AOAH: variants seen among roughly 807,000 people sequenced by gnomAD.
AOAH encodes acyloxyacyl hydrolase, also known as acyloxyacyl hydrolase (neutrophil).
Under a neutral mutation model 92.2 loss-of-function variants are expected in AOAH, and 64 were observed. The observed-to-expected ratio is 0.69, with a 90% confidence interval of 0.57 to 0.86. The LOEUF is 0.86. Ranked by LOEUF, AOAH falls within the 40% of genes least tolerant of loss-of-function variation. The pLI is 0.00. For synonymous variants in AOAH, 263 were observed against 254.5 expected (o/e 1.03, Z -0.32); for missense variants, 656 against 694.6 (o/e 0.94, Z 0.62).
At chr7:36,533,681 G>A (rs1334857498) in intron 16 of AOAH, among the ~76,000 whole-genome samples, 5 of 40,342 alleles carry the variant, frequency 1.2e-4, no homozygotes, top group African/African-American at 2.4e-4. Flanking sequence ...TTGTGTGCGT[G>A]TGTGTGTGTG....
At chr7:36,678,875 T>C (rs1464105617) in intron 2 of AOAH, among the ~76,000 whole-genome samples, 1 of 152,164 alleles carries the variant, frequency 6.6e-6, no homozygotes. Context: ...GGTAACCTGA[T>C]TGTTACTGAT....
At position 36,669,620 on chromosome 7, in the gene AOAH, T is replaced by C. The variant is rs535775494; in HGVS notation, c.290+4323A>G. 1.2e-4 allele frequency among the ~76,000 whole-genome samples: 19 copies of C among 152,252 alleles called. 1 individual carries two copies. Among genetic ancestry groups the C allele is most frequent in the South Asian group, 8.3e-4 (4 of 4,826 alleles). On this transcript the variant is annotated intron_variant, in intron 3 of 20. Transcript: ENST00000617537. Reference sequence around the variant, plus strand: ...TTGATCTCAAACTCCTGACCTCAAGTGATCCACCCGCCTCAGCCTCCCAAA... The same window carrying C: ...TTGATCTCAAACTCCTGACCTCAAGCGATCCACCCGCCTCAGCCTCCCAAA...
At chr7:36,585,888 T>A (rs980311044) in intron 12 of AOAH, among the ~76,000 whole-genome samples, 13 of 152,148 alleles carry the variant, frequency 8.5e-5, no homozygotes, top group Admixed American at 5.2e-4. Context: ...ACACATTAAT[T>A]TTTTTGTACA....
At chr7:36,520,504 G>A (rs1038868627) in intron 20 of AOAH, among the ~76,000 whole-genome samples, 4 of 152,152 alleles carry the variant, frequency 2.6e-5, no homozygotes, top group East Asian at 1.9e-4. Context: ...GTGAGAGTTC[G>A]AGACCAGCCT....
At chr7:36,723,702 C>T (rs1054477746) in intron 1 of AOAH, among the ~76,000 whole-genome samples, 5 of 152,050 alleles carry the variant, frequency 3.3e-5, no homozygotes, top group African/African-American at 1.2e-4. Flanking sequence ...GGTCAAAGCC[C>T]ATGAAAAGCA....
chr7:36,641,365 C>T (rs1298202569), intron 4 of AOAH, among the ~76,000 whole-genome samples: 2 of 152,172 alleles, frequency 1.3e-5, no homozygotes, highest in Non-Finnish European at 2.9e-5. Flanking sequence ...CCAGTTGCAG[C>T]GCTGAAGTCT....
At chr7:36,672,894 TTA>T (rs1267618725) in intron 3 of AOAH, among the ~76,000 whole-genome samples, 1 of 152,134 alleles carries the variant, frequency 6.6e-6, no homozygotes, top group African/African-American at 2.4e-5. Context: ...ATAACATGTA[TTA>T]TATGATAATG....
intron 1 of AOAH, among the ~76,000 whole-genome samples, chr7:36,694,433 G>T (rs954725907): frequency 6.6e-5 from 10 of 152,186 alleles, no homozygotes; most frequent in Non-Finnish European, 1.0e-4. Flanking sequence ...GGGAGGTGGA[G>T]GTTGCAGTGA....
intron 13 of AOAH, among the ~76,000 whole-genome samples, chr7:36,560,464 G>A (rs559894198): frequency 2.6e-5 from 4 of 152,244 alleles, no homozygotes; most frequent in South Asian, 2.1e-4. Flanking sequence ...TTGGTTAGAT[G>A]TATTCCTAGG....
intron 12 of AOAH, among the ~76,000 whole-genome samples, chr7:36,584,153 TATA>T (rs775218115): frequency 6.6e-6 from 1 of 152,250 alleles, no homozygotes; most frequent in Non-Finnish European, 1.5e-5. Context: ...TAGTGAAGGC[TATA>T]ATAAGCCTTA....
At chr7:36,660,256 T>C (rs1281104945) in intron 3 of AOAH, among the ~76,000 whole-genome samples, 4 of 152,198 alleles carry the variant, frequency 2.6e-5, no homozygotes, top group Non-Finnish European at 4.4e-5. Flanking sequence ...ACGGACGTGC[T>C]TGACATTATT....
intron 19 of AOAH, among the ~76,000 whole-genome samples, chr7:36,526,745 C>T (rs1784413254): frequency 6.6e-6 from 1 of 152,162 alleles, no homozygotes; most frequent in African/African-American, 2.4e-5. Context: ...TAATGACCAG[C>T]TTTTCAAAGA....
intron 3 of AOAH, among the ~76,000 whole-genome samples, chr7:36,663,333 A>G (rs892277882): frequency 6.6e-6 from 1 of 152,208 alleles, no homozygotes; most frequent in East Asian, 1.9e-4. Flanking sequence ...CAAAGTGTTT[A>G]GTTCACCTTA....
intron 11 of AOAH, among the ~76,000 whole-genome samples, chr7:36,595,526 CTCTG>C (rs1309843367): frequency 4.6e-5 from 7 of 152,156 alleles, no homozygotes; most frequent in African/African-American, 1.7e-4. Context: ...CAGAGCAAGA[CTCTG>C]TCTCAAAAAT....
intron 10 of AOAH, among the ~76,000 whole-genome samples, chr7:36,617,555 T>C (rs1791989495): frequency 6.6e-6 from 1 of 152,230 alleles, no homozygotes; most frequent in Non-Finnish European, 1.5e-5. Flanking sequence ...TTGGTTAGAA[T>C]TGGACTTGTT....
chr7:36,551,988 G>A (rs1786293557), intron 13 of AOAH, among the ~76,000 whole-genome samples: 2 of 152,144 alleles, frequency 1.3e-5, no homozygotes, highest in Admixed American at 6.5e-5. Context: ...GCTGAGGTTT[G>A]GGGGACAATT....
intron 2 of AOAH, among the ~76,000 whole-genome samples, chr7:36,684,794 T>A (rs778953380): frequency 2.0e-5 from 3 of 150,274 alleles, no homozygotes; most frequent in Non-Finnish European, 3.0e-5. Flanking sequence ...TGTGATGCTG[T>A]GAGCCTGTAG....
At chr7:36,622,136 G>A (rs1278566262) in intron 7 of AOAH, among the ~76,000 whole-genome samples, 1 of 152,096 alleles carries the variant, frequency 6.6e-6, no homozygotes, top group Non-Finnish European at 1.5e-5. Context: ...ATGCATGTGT[G>A]TGTTTATGTG....
rs370051063 is a variant in AOAH, at chr7:36,610,992, G to A, written c.846+5388C>T. The stretch of plus-strand genomic sequence containing the variant: ...GACGCACGGGTGAGAAGAAATGATG[G>A]TTGTTTTAAGTCACTGGAGATTTGG... On this transcript the variant is annotated intron_variant, in intron 11 of 20. Coordinates refer to ENST00000617537, the MANE Select transcript of AOAH (RefSeq NM_001637.4). 1.4e-3 allele frequency among the ~76,000 whole-genome samples: 220 copies of A among 152,284 alleles called. 1 individual carries two copies. The highest frequency in any genetic ancestry group is 5.6e-3 in the East Asian group (29 of 5,186).
Sources: allele counts gnomAD v4.1 joint callset (sites outside exome capture counted in the v4.1 genomes callset), GRCh38; gene constraint gnomAD v4.1.1; transcripts MANE v1.5; gene names NCBI Gene and HGNC (gene_info 2026-07-23, HGNC 2026-07-21).